The following PLCL1 variants were observed in gnomAD, a reference collection of about 807,000 sequenced individuals.
The protein encoded by PLCL1 is phospholipase C like 1 (inactive), also known as inactive phospholipase C-like protein 1.
PLCL1 carries 41 observed loss-of-function variants against 84.4 expected under a neutral mutation model. That is an observed-to-expected ratio of 0.49 (90% CI 0.38 to 0.63). The LOEUF (loss-of-function observed/expected upper bound fraction) is 0.63, where lower values mean the gene tolerates loss of function less well. PLCL1 is among the 30% of genes least tolerant of loss of function. The pLI is 0.00. For synonymous variants in PLCL1, 490 were observed against 488.3 expected (o/e 1.00, Z -0.05); for missense variants, 1,206 against 1,367.8 (o/e 0.88, Z 1.87).
chr2:198,067,787 T>A (rs1319026706), intron 1 of PLCL1, among the ~76,000 whole-genome samples: 1 of 152,210 alleles, frequency 6.6e-6, no homozygotes, highest in Non-Finnish European at 1.5e-5. Context: ...AGAAAACAAA[T>A]GTGGAAACCC....
chr2:197,978,588 T>G (rs2105802933), intron 1 of PLCL1, among the ~76,000 whole-genome samples: 1 of 152,350 alleles, frequency 6.6e-6, no homozygotes, highest in East Asian at 1.9e-4. Context: ...ACTTCTAACA[T>G]TAAACATTAA....
chr2:198,146,040 A>C (rs1461950377), intron 5 of PLCL1, among the ~76,000 whole-genome samples: 1 of 152,190 alleles, frequency 6.6e-6, no homozygotes, highest in Admixed American at 6.5e-5. Context: ...CTTTATCTTC[A>C]TAACAGTGAA....
Position 197,915,981 on chromosome 2 carries a change from G to A in PLCL1, c.240+110642G>A, listed in dbSNP as rs527878597. Reference sequence around the variant, plus strand: ...TACCAGCTTTAGTTGCTATAACTAAGAGCCTGGTAGGCATATGTCTGTGAT... The same window carrying A: ...TACCAGCTTTAGTTGCTATAACTAAAAGCCTGGTAGGCATATGTCTGTGAT... On this transcript the variant is annotated intron_variant, in intron 1 of 5. Coordinates refer to ENST00000428675, the MANE Select transcript of PLCL1 (RefSeq NM_006226.4). Among the ~76,000 whole-genome samples, 3 of 152,262 alleles carry A rather than the reference G, an allele frequency of 2.0e-5. No individual in the cohort carries two copies. In the South Asian group the frequency reaches 6.2e-4, roughly 32 times the overall value.
intron 1 of PLCL1, among the ~76,000 whole-genome samples, chr2:197,958,889 G>C (rs771194720): frequency 7.0e-6 from 1 of 142,892 alleles, no homozygotes; most frequent in Non-Finnish European, 1.5e-5. Context: ...TTTTGGTTTC[G>C]GAATCTGTGC....
rs1425777095 is a variant in PLCL1, at chr2:198,147,130, A to G, written c.*168A>G. The G allele has an allele frequency of 1.8e-6, 1 of 556,686 alleles. No individual in the cohort carries two copies. Among genetic ancestry groups the G allele is most frequent in the East Asian group, 3.1e-5 (1 of 32,752 alleles). The allele number at this position is 556,686 out of a possible 1,614,324, so 34.5% of individuals were successfully genotyped here. ...ATTTCAGTGTAGTTAATTTATCTAA[A>G]TTAAAGCCTTTAGTATCAGTGTTTT... is the stretch of plus-strand genomic sequence containing the variant. On this transcript the variant is annotated 3_prime_UTR_variant, in exon 6 of 6. Coordinates refer to ENST00000428675, the MANE Select transcript of PLCL1 (RefSeq NM_006226.4).
chr2:198,011,185 A>T (rs370627057), intron 1 of PLCL1, among the ~76,000 whole-genome samples: 1 of 151,800 alleles, frequency 6.6e-6, no homozygotes, highest in Non-Finnish European at 1.5e-5. Flanking sequence ...TTTTCTAGTT[A>T]CTGAAGGTAT....
chr2:198,066,479 A>T (rs1692322806), intron 1 of PLCL1, among the ~76,000 whole-genome samples: 1 of 151,684 alleles, frequency 6.6e-6, no homozygotes, highest in Admixed American at 6.6e-5. Context: ...AAATAAATCC[A>T]CTTTTCTCTT....
intron 1 of PLCL1, among the ~76,000 whole-genome samples, chr2:197,941,923 G>A (rs977050721): frequency 6.6e-6 from 1 of 152,012 alleles, no homozygotes; most frequent in African/African-American, 2.4e-5. Flanking sequence ...GACCTCCCAG[G>A]TTCATCCTCG....
At chr2:198,064,395 A>G (rs1692276833) in intron 1 of PLCL1, among the ~76,000 whole-genome samples, 1 of 152,178 alleles carries the variant, frequency 6.6e-6, no homozygotes, top group African/African-American at 2.4e-5. Flanking sequence ...ACTTAAAAAA[A>G]TCTTCATTTC....
chr2:198,051,674 T>C (rs1287502766), intron 1 of PLCL1, among the ~76,000 whole-genome samples: 2 of 152,206 alleles, frequency 1.3e-5, no homozygotes, highest in Non-Finnish European at 2.9e-5. Flanking sequence ...TATGTTACCA[T>C]GGCATTTTAT....
At chr2:198,136,866 C>T (rs1694268264) in intron 5 of PLCL1, among the ~76,000 whole-genome samples, 1 of 152,094 alleles carries the variant, frequency 6.6e-6, no homozygotes, top group Non-Finnish European at 1.5e-5. Flanking sequence ...CTCATGAATC[C>T]TCTATCATTG....
intron 5 of PLCL1, among the ~76,000 whole-genome samples, chr2:198,108,465 G>A (rs756157887): frequency 1.3e-5 from 2 of 151,978 alleles, no homozygotes; most frequent in Non-Finnish European, 2.9e-5. Context: ...TGAGAAATGT[G>A]CCCTCAGCAA....
Position 197,821,583 on chromosome 2 carries a change from C to T in PLCL1, c.240+16244C>T, listed in dbSNP as rs143205096. Among the ~76,000 whole-genome samples, 108 of 152,196 alleles carry T rather than the reference C, an allele frequency of 7.1e-4. 1 individual carries two copies. The East Asian group carries it at 0.017, about 23-fold the overall frequency. ...TCCCTTTGATGAAAATGGCCTATCACCACATTTGCCTTCTATTTCATAAGA... is the reference window on the plus strand; with the variant it reads ...TCCCTTTGATGAAAATGGCCTATCATCACATTTGCCTTCTATTTCATAAGA... On this transcript the variant is annotated intron_variant, in intron 1 of 5. Transcript: ENST00000428675.
Position 198,011,366 on chromosome 2 carries a change from A to G in PLCL1, c.241-72392A>G, listed in dbSNP as rs186493887. Reference sequence around the variant, plus strand: ...AAATTATCTTGTGATTTCTTCTTAGACTCATTAGTTGTTTATGAGTGCATT... The same window carrying G: ...AAATTATCTTGTGATTTCTTCTTAGGCTCATTAGTTGTTTATGAGTGCATT... On this transcript the variant is annotated intron_variant, in intron 1 of 5. Coordinates refer to ENST00000428675, the MANE Select transcript of PLCL1 (RefSeq NM_006226.4). Among the ~76,000 whole-genome samples, 683 of 151,306 alleles carry G rather than the reference A, an allele frequency of 4.5e-3. 5 individuals carry two copies. The highest frequency in any genetic ancestry group is 0.016 in the African/African-American group (654 of 41,260).
intron 1 of PLCL1, among the ~76,000 whole-genome samples, chr2:197,821,501 T>G (rs1690815015): frequency 6.6e-6 from 1 of 152,192 alleles, no homozygotes; most frequent in African/African-American, 2.4e-5. Context: ...GTAAAGTAAT[T>G]CAGGGATCCA....
intron 1 of PLCL1, among the ~76,000 whole-genome samples, chr2:197,891,102 T>C (rs925959980): frequency 1.3e-5 from 2 of 151,920 alleles, no homozygotes; most frequent in African/African-American, 4.8e-5. Flanking sequence ...GAACACCTAC[T>C]CTGTCAAGGA....
chr2:197,889,053 A>G (rs1311538986), intron 1 of PLCL1, among the ~76,000 whole-genome samples: 2 of 152,178 alleles, frequency 1.3e-5, no homozygotes, highest in Admixed American at 1.3e-4. Context: ...TCAGTTTTGT[A>G]TATGTGTAAA....
At position 198,149,548 on chromosome 2, in the gene PLCL1, C is replaced by A. The variant is rs1325373109; in HGVS notation, c.*2586C>A. ...TAAGTTTATTCTTAACATTTTAAAC[C>A]AGACTATTAACTCTTACCTTTATAA... On this transcript the variant is annotated 3_prime_UTR_variant, in exon 6 of 6. Coordinates refer to ENST00000428675, the MANE Select transcript of PLCL1 (RefSeq NM_006226.4). The A allele has an allele frequency of 6.6e-6, 1 of 152,174 alleles. No individual in the cohort carries two copies. Among genetic ancestry groups the A allele is most frequent in the Non-Finnish European group, 1.5e-5 (1 of 68,010 alleles). 9.4% of individuals were successfully genotyped at this position (152,174 alleles called of 1,614,324 possible).
chr2:198,003,926 A>C (rs1559070907), intron 1 of PLCL1, among the ~76,000 whole-genome samples: 1 of 152,228 alleles, frequency 6.6e-6, no homozygotes, highest in East Asian at 1.9e-4. Context: ...CATTAGAAGG[A>C]ACTTGACCAA....
Sources: gnomAD v4.1 joint callset for allele counts (sites outside exome capture counted in the v4.1 genomes callset) on GRCh38, gnomAD v4.1.1 for gene constraint, MANE v1.5 for transcripts, NCBI Gene and HGNC (gene_info 2026-07-23, HGNC 2026-07-21) for gene names.